The following ARHGAP5 variants were observed in gnomAD, a reference collection of about 807,000 sequenced individuals.
ARHGAP5 encodes Rho GTPase activating protein 5.
ARHGAP5 carries 23 observed loss-of-function variants against 116.6 expected under a neutral mutation model. The ratio of observed to expected loss-of-function variants is 0.20; its 90% CI spans 0.14 to 0.28. The LOEUF is 0.28. Ranked by LOEUF, ARHGAP5 falls within the 10% of genes least tolerant of loss-of-function variation. The pLI, the probability that ARHGAP5 is intolerant of heterozygous loss-of-function variation, is 1.00. For missense variants in ARHGAP5, 1,405 were observed against 1,774.8 expected (o/e 0.79, Z 3.74); for synonymous variants, 574 against 602.0 (o/e 0.95, Z 0.68).
chr14:32,127,177 TA>T (rs1351280999), intron 3 of ARHGAP5, among the ~76,000 whole-genome samples: 1 of 151,644 alleles, frequency 6.6e-6, no homozygotes, highest in African/African-American at 2.4e-5. Context: ...TTTTTTTTTT[TA>T]ATTTTTTTAG....
intron 3 of ARHGAP5, among the ~76,000 whole-genome samples, chr14:32,121,528 T>G (rs949747239): frequency 7.9e-5 from 12 of 152,208 alleles, no homozygotes; most frequent in Non-Finnish European, 1.5e-4. Context: ...ATGTTTATAA[T>G]TTTTGCTTTA....
intron 3 of ARHGAP5, among the ~76,000 whole-genome samples, chr14:32,124,146 T>TA (rs1357575556): frequency 1.3e-5 from 2 of 152,158 alleles, no homozygotes; most frequent in African/African-American, 2.4e-5. Flanking sequence ...CTCCCATCAC[T>TA]AACTACCACC....
At chr14:32,139,000 G>T (rs1352795288) in intron 3 of ARHGAP5, among the ~76,000 whole-genome samples, 1 of 150,634 alleles carries the variant, frequency 6.6e-6, no homozygotes, top group African/African-American at 2.4e-5. Context: ...CTATTAATGT[G>T]GCCCATCAGA....
chr14:32,129,291 AGAGTAG>A (rs539053037), intron 3 of ARHGAP5, among the ~76,000 whole-genome samples: 133 of 152,180 alleles, frequency 8.7e-4, no homozygotes, highest in Middle Eastern at 3.4e-3. Context: ...CAGTTATGCT[AGAGTAG>A]GTGATCAGGT....
intron 2 of ARHGAP5, among the ~76,000 whole-genome samples, chr14:32,107,059 A>C (rs1879053339): frequency 6.6e-6 from 1 of 152,212 alleles, no homozygotes; most frequent in Admixed American, 6.5e-5. Context: ...TGTATGTGCT[A>C]TTAATGACTG....
At position 32,095,320 on chromosome 14, in the gene ARHGAP5, C is replaced by T. The variant is rs533644333; in HGVS notation, c.3717+934C>T. ...ACTGCCCATTATAGTTGAATAGAAT[C>T]TGCTTTATTTTCTAAGTTTAAGTTA... On this transcript the variant is annotated intron_variant, in intron 2 of 6. Transcript: ENST00000345122. 4.6e-5 allele frequency among the ~76,000 whole-genome samples: 7 copies of T among 151,290 alleles called. No homozygotes were observed. In the East Asian group the frequency reaches 1.4e-3, roughly 29 times the overall value.
At chr14:32,150,088 T>C in intron 5 of ARHGAP5, 55 bp downstream of exon 5, 5 of 1,421,922 alleles carry the variant, frequency 3.5e-6, no homozygotes, top group Non-Finnish European at 3.8e-6. Flanking sequence ...TTTTGGATAT[T>C]GATTGCTAAG....
In ARHGAP5 at chr14:32,151,572, T is replaced by G. The variant is rs545855483; in HGVS notation, c.4076-851T>G. On this transcript the variant is annotated intron_variant, in intron 5 of 6. Transcript: ENST00000345122. ...TTTTACACCAAGAGAAAAGAAAATT[T>G]CATGACACATTAAAATTACATGAAA... 3.3e-5 allele frequency among the ~76,000 whole-genome samples: 5 copies of G among 152,374 alleles called. No homozygotes were observed. The South Asian group carries it at 8.3e-4, about 25-fold the overall frequency.
Position 32,093,251 on chromosome 14 carries a change from C to T in ARHGAP5, c.2582C>T (p.Ala861Val). The T allele has an allele frequency of 6.2e-7, 1 of 1,613,684 alleles. No individual in the cohort carries two copies. The highest frequency in any genetic ancestry group is 8.5e-7 in the Non-Finnish European group (1 of 1,179,854). The change falls in exon 2 of 7, where the codon GCT becomes GTT. Residue 861 changes from alanine to valine, a missense_variant. This residue lies in a region of ARHGAP5 where 944 missense variants were observed against 1,095.3 expected (regional missense o/e 0.86). Transcript: ENST00000345122. ...YILVYSAKRK[A>V]SMGMLRAFLS... Reference sequence around the variant, plus strand: ...TTAGTTTACTCTGCAAAACGGAAAGCTTCGATGGGAATGCTTCGAGCATTT... The same window carrying T: ...TTAGTTTACTCTGCAAAACGGAAAGTTTCGATGGGAATGCTTCGAGCATTT...
intron 3 of ARHGAP5, among the ~76,000 whole-genome samples, chr14:32,137,294 C>T (rs538720873): frequency 6.0e-5 from 9 of 149,712 alleles, no homozygotes; most frequent in African/African-American, 1.2e-4. Flanking sequence ...TGTGGATATT[C>T]GCCTGTCTCT....
intron 1 of ARHGAP5, among the ~76,000 whole-genome samples, chr14:32,088,479 T>G (rs553539210): frequency 6.6e-6 from 1 of 152,118 alleles, no homozygotes; most frequent in Non-Finnish European, 1.5e-5. Flanking sequence ...TTTCTATCAC[T>G]GTGTATATAA....
chr14:32,078,843 T>C (rs1232923578), intron 1 of ARHGAP5, among the ~76,000 whole-genome samples: 85 of 152,392 alleles, frequency 5.6e-4, no homozygotes, highest in Non-Finnish European at 3.4e-4. Context: ...CTGTCAATTC[T>C]AGTTTATTTG....
At chr14:32,126,156 T>C (rs1880143172) in intron 3 of ARHGAP5, among the ~76,000 whole-genome samples, 1 of 152,226 alleles carries the variant, frequency 6.6e-6, no homozygotes, top group African/African-American at 2.4e-5. Context: ...GAGCACACGC[T>C]TGTCTTGTTC....
At chr14:32,096,016 G>A (rs1318523222) in intron 2 of ARHGAP5, among the ~76,000 whole-genome samples, 2 of 151,916 alleles carry the variant, frequency 1.3e-5, no homozygotes, top group African/African-American at 2.4e-5. Context: ...ATGAAAGTTG[G>A]AATAGTAAAA....
At chr14:32,128,610 G>A (rs1474752744) in intron 3 of ARHGAP5, among the ~76,000 whole-genome samples, 1 of 152,228 alleles carries the variant, frequency 6.6e-6, no homozygotes, top group Non-Finnish European at 1.5e-5. Flanking sequence ...GCCTCCCTGG[G>A]CTCGCCGCGC....
chr14:32,143,802 AAAT>A (rs1345143523), intron 3 of ARHGAP5, among the ~76,000 whole-genome samples: 2 of 152,174 alleles, frequency 1.3e-5, no homozygotes, highest in Non-Finnish European at 2.9e-5. Flanking sequence ...AAATAATAAT[AAAT>A]GTTTATCACT....
At chr14:32,089,977 C>A (rs2041868681) in intron 1 of ARHGAP5, among the ~76,000 whole-genome samples, 3 of 151,640 alleles carry the variant, frequency 2.0e-5, no homozygotes, top group Admixed American at 2.0e-4. Context: ...TTAAAAAAGA[C>A]TTGAAATTTA....
Position 32,090,573 on chromosome 14 carries a change from T to G in ARHGAP5, c.-97T>G. On this transcript the variant is annotated 5_prime_UTR_variant, in exon 2 of 7. Transcript: ENST00000345122. ...GGAAATACAAAGAACCAAATACAGT[T>G]CTGAAATTTGGGATCTGTATTTTGA... 1 of 1,117,970 alleles carries G rather than the reference T, an allele frequency of 8.9e-7. No homozygotes were observed. Among genetic ancestry groups the G allele is most frequent in the Non-Finnish European group, 1.3e-6 (1 of 781,722 alleles). The allele number at this position is 1,117,970 out of a possible 1,614,324, so 69.3% of individuals were successfully genotyped here. A position where few individuals can be genotyped will look rare whatever the true frequency, so the allele number is the denominator to read the frequency against.
At chr14:32,121,515 T>G (rs192502774) in intron 3 of ARHGAP5, among the ~76,000 whole-genome samples, 329 of 152,350 alleles carry the variant, frequency 2.2e-3, no homozygotes, top group Non-Finnish European at 2.6e-3. Flanking sequence ...AAAATCACCA[T>G]ACATGTTTAT....
Sources: gnomAD v4.1 joint callset for allele counts (sites outside exome capture counted in the v4.1 genomes callset) on GRCh38, gnomAD v4.1.1 for gene constraint, gnomAD v4.1.1 regional missense constraint, MANE v1.5 for transcripts, NCBI Gene and HGNC (gene_info 2026-07-23, HGNC 2026-07-21) for gene names.